Variants in KCTD16 observed in about 807,000 individuals in gnomAD.
The protein encoded by KCTD16 is BTB/POZ domain-containing protein KCTD16.
In KCTD16, 13 loss-of-function variants were observed where a neutral mutation model predicts 33.2. That is an observed-to-expected ratio of 0.39 (90% CI 0.25 to 0.62). The LOEUF is 0.62. Ranked by LOEUF, KCTD16 falls within the 20% of genes least tolerant of loss-of-function variation. The pLI, the probability that KCTD16 is intolerant of heterozygous loss-of-function variation, is 0.50. For missense variants in KCTD16, 441 were observed against 525.1 expected (o/e 0.84, Z 1.57); for synonymous variants, 197 against 195.3 (o/e 1.01, Z -0.07).
chr5:144,235,300 A>G (rs1754219719), intron 3 of KCTD16, among the ~76,000 whole-genome samples: 2 of 152,102 alleles, frequency 1.3e-5, no homozygotes, highest in Admixed American at 1.3e-4. Context: ...TGCCTCTCCC[A>G]AGGGGTGTGG....
At chr5:144,416,714 A>G (rs968291737) in intron 3 of KCTD16, among the ~76,000 whole-genome samples, 7 of 152,184 alleles carry the variant, frequency 4.6e-5, no homozygotes, top group Non-Finnish European at 1.0e-4. Flanking sequence ...CATCTATATC[A>G]AGCTCCAAAA....
intron 2 of KCTD16, among the ~76,000 whole-genome samples, chr5:144,184,079 T>C (rs2126775562): frequency 6.6e-6 from 1 of 152,224 alleles, no homozygotes; most frequent in East Asian, 1.9e-4. Flanking sequence ...CTTTTTAAAA[T>C]TCAATTTTTA....
At chr5:144,466,695 A>G (rs1199398491) in intron 3 of KCTD16, among the ~76,000 whole-genome samples, 1 of 151,610 alleles carries the variant, frequency 6.6e-6, no homozygotes, top group Non-Finnish European at 1.5e-5. Context: ...AATTCTCACC[A>G]CTTGTCAACT....
Position 144,481,586 on chromosome 5 carries a change from G to A in KCTD16, c.*7472G>A, listed in dbSNP as rs2127007793. Reference sequence around the variant, plus strand: ...TGTATCATACCAATATCCCAGGGATGGAATTATGGTAGGGTCATTCTAATT... The same window carrying A: ...TGTATCATACCAATATCCCAGGGATAGAATTATGGTAGGGTCATTCTAATT... On this transcript the variant is annotated 3_prime_UTR_variant, in exon 4 of 4. Coordinates refer to ENST00000512467, the MANE Select transcript of KCTD16 (RefSeq NM_020768.4). 6.6e-6 allele frequency: 1 copy of A among 152,012 alleles called. No individual in the cohort carries two copies. Among genetic ancestry groups the A allele is most frequent in the South Asian group, 2.1e-4 (1 of 4,828 alleles). 9.4% of individuals were successfully genotyped at this position (152,012 alleles called of 1,614,324 possible). A position where few individuals can be genotyped will look rare whatever the true frequency, so the allele number is the denominator to read the frequency against.
intron 3 of KCTD16, among the ~76,000 whole-genome samples, chr5:144,209,218 G>T (rs1753288996): frequency 6.6e-6 from 1 of 152,146 alleles, no homozygotes; most frequent in South Asian, 2.1e-4. Context: ...GACCACATTG[G>T]ATTTATAGTC....
Position 144,251,262 on chromosome 5 carries a change from T to A in KCTD16, c.832+43716T>A, listed in dbSNP as rs533189527. ...AAAGGTAGTAGGGGGTGGTGTGTTGTTTAAAAGGGAGTTCTGGAGGCAAAG... is the reference window on the plus strand; with the variant it reads ...AAAGGTAGTAGGGGGTGGTGTGTTGATTAAAAGGGAGTTCTGGAGGCAAAG... On this transcript the variant is annotated intron_variant, in intron 3 of 3. Coordinates refer to ENST00000512467, the MANE Select transcript of KCTD16 (RefSeq NM_020768.4). Among the ~76,000 whole-genome samples, 5 of 152,282 alleles carry A rather than the reference T, an allele frequency of 3.3e-5. No homozygotes were observed. In the South Asian group the frequency reaches 6.2e-4, roughly 19 times the overall value.
chr5:144,351,840 A>T (rs980680947), intron 3 of KCTD16, among the ~76,000 whole-genome samples: 3 of 152,148 alleles, frequency 2.0e-5, no homozygotes, highest in African/African-American at 7.2e-5. Flanking sequence ...GAGTGTGAAA[A>T]AGTCAAACAG....
At chr5:144,446,953 T>C (rs1753833115) in intron 3 of KCTD16, among the ~76,000 whole-genome samples, 1 of 152,118 alleles carries the variant, frequency 6.6e-6, no homozygotes, top group Non-Finnish European at 1.5e-5. Flanking sequence ...TTTTACACTG[T>C]TGGTGGGAGT....
intron 3 of KCTD16, among the ~76,000 whole-genome samples, chr5:144,350,941 C>A (rs969338041): frequency 6.6e-6 from 1 of 151,924 alleles, no homozygotes; most frequent in Non-Finnish European, 1.5e-5. Context: ...ATTCCATTAA[C>A]CCCAAATCCA....
chr5:144,385,412 T>C (rs2126934307), intron 3 of KCTD16: 1 of 152,330 alleles, frequency 6.6e-6, no homozygotes, highest in Middle Eastern at 3.4e-3. Flanking sequence ...GGCCAAGCCA[T>C]GGGGATTTAT....
intron 3 of KCTD16, among the ~76,000 whole-genome samples, chr5:144,452,459 TGAGA>T (rs970466092): frequency 6.6e-6 from 1 of 151,192 alleles, no homozygotes; most frequent in Non-Finnish European, 1.5e-5. Flanking sequence ...ATTTTTAATA[TGAGA>T]GAGAGAGAAG....
rs1753456742 is a variant in KCTD16, at chr5:144,431,343, TGAA to T, written c.833-42314_833-42312del. 5.3e-5 allele frequency among the ~76,000 whole-genome samples: 8 copies of T among 152,324 alleles called. No homozygotes were observed. In the South Asian group the frequency reaches 1.7e-3, roughly 32 times the overall value. ...GTGTTACATAGTAACTTGAGCAAGA[TGAA>T]GAGACTTGCTTTAGCTTCTTCACAA... On this transcript the variant is annotated intron_variant, in intron 3 of 3. Coordinates refer to ENST00000512467, the MANE Select transcript of KCTD16 (RefSeq NM_020768.4).
chr5:144,199,810 G>A (rs907173830), intron 2 of KCTD16, among the ~76,000 whole-genome samples: 1 of 144,302 alleles, frequency 6.9e-6, no homozygotes, highest in Non-Finnish European at 1.5e-5. Context: ...TCCGCCTTCC[G>A]GGTTCAAGCG....
intron 2 of KCTD16, among the ~76,000 whole-genome samples, chr5:144,177,336 G>A (rs1336698953): frequency 6.6e-6 from 1 of 152,106 alleles, no homozygotes; most frequent in African/African-American, 2.4e-5. Context: ...CTAAAGTGAT[G>A]GTTTGAAAAA....
At chr5:144,221,084 C>A (rs115388549) in intron 3 of KCTD16, among the ~76,000 whole-genome samples, 20 of 152,260 alleles carry the variant, frequency 1.3e-4, no homozygotes, top group Non-Finnish European at 2.4e-4. Flanking sequence ...CGTTGTATGA[C>A]AGGAATGGTA....
At chr5:144,334,732 G>C (rs768770595) in intron 3 of KCTD16, among the ~76,000 whole-genome samples, 1 of 152,124 alleles carries the variant, frequency 6.6e-6, no homozygotes, top group African/African-American at 2.4e-5. Context: ...TGCAGTGAAA[G>C]GAACCTGGCA....
chr5:144,365,601 T>C (rs761417732), intron 3 of KCTD16, among the ~76,000 whole-genome samples: 1 of 152,222 alleles, frequency 6.6e-6, no homozygotes, highest in Non-Finnish European at 1.5e-5. Context: ...GAGGTTACTT[T>C]AGCCTGTTGT....
chr5:144,441,902 A>T (rs1274919193), intron 3 of KCTD16, among the ~76,000 whole-genome samples: 1 of 151,676 alleles, frequency 6.6e-6, no homozygotes, highest in African/African-American at 2.4e-5. Flanking sequence ...ATTGCATTGA[A>T]TCTGTAGATT....
chr5:144,336,019 AC>A (rs1285105378), intron 3 of KCTD16, among the ~76,000 whole-genome samples: 1 of 152,208 alleles, frequency 6.6e-6, no homozygotes, highest in Non-Finnish European at 1.5e-5. Context: ...TAGCAGAGGC[AC>A]ATAATGGAGA....
Sources: allele counts gnomAD v4.1 joint callset (sites outside exome capture counted in the v4.1 genomes callset), GRCh38; gene constraint gnomAD v4.1.1; transcripts MANE v1.5; gene names NCBI Gene and HGNC (gene_info 2026-07-23, HGNC 2026-07-21).